Variants in EFCAB6 observed in about 807,000 individuals in gnomAD.
EFCAB6 encodes the protein EF-hand calcium binding domain 6.
In EFCAB6, 156 loss-of-function variants were observed where a neutral mutation model predicts 169.8. The observed-to-expected ratio is 0.92, with a 90% CI of 0.81 to 1.05. The LOEUF (loss-of-function observed/expected upper bound fraction) is 1.05, where lower values mean the gene tolerates loss of function less well. Ranked by LOEUF, EFCAB6 falls within the 50% of genes least tolerant of loss-of-function variation. EFCAB6 has a pLI of 0.00. For missense variants in EFCAB6, 1,800 were observed against 1,829.1 expected (o/e 0.98, Z 0.29); for synonymous variants, 698 against 676.4 (o/e 1.03, Z -0.50).
intron 17 of EFCAB6, among the ~76,000 whole-genome samples, chr22:43,646,660 A>G (rs1248122448): frequency 1.3e-5 from 2 of 152,266 alleles, no homozygotes; most frequent in African/African-American, 4.8e-5. Flanking sequence ...TTAATTCCAC[A>G]TGGATTAAGC....
chr22:43,554,295 A>C (rs1298293336), intron 27 of EFCAB6: 1 of 153,606 alleles, frequency 6.5e-6, no homozygotes, highest in Non-Finnish European at 1.4e-5. Flanking sequence ...TCATAGAAAA[A>C]TGCAAGGTAG....
intron 7 of EFCAB6, 118 bp downstream of exon 7, chr22:43,735,735 GGTGT>G (rs201949853): frequency 2.6e-6 from 3 of 1,133,510 alleles, no homozygotes; most frequent in Admixed American, 2.3e-5. Context: ...TGAGAAATAA[GGTGT>G]GTGTGTGTGG....
At chr22:43,585,565 G>C (rs981133915) in intron 24 of EFCAB6, among the ~76,000 whole-genome samples, 1 of 151,958 alleles carries the variant, frequency 6.6e-6, no homozygotes, top group African/African-American at 2.4e-5. Flanking sequence ...CAAAACAAGA[G>C]AACAAACAAA....
Position 43,668,905 on chromosome 22 carries a change from T to C in EFCAB6, c.1781A>G (p.Lys594Arg), listed in dbSNP as rs1353162523. Residue 594 changes from lysine to arginine, a missense_variant, in exon 16 of 32, where the codon AAA (lysine) becomes AGA (arginine). By Grantham distance (26) the Lys-to-Arg change is conservative. Transcript: ENST00000262726. ...KDQLLSEHLQ[K>R]DEQQQPDLSE... ...AAGATCTGGCTGCTGCTGTTCATCT[T>C]TTTGTAAATGTTCACTTAACAGCTG... 1 of 1,608,320 alleles carries C rather than the reference T, an allele frequency of 6.2e-7. No homozygotes were observed. Among genetic ancestry groups the C allele is most frequent in the Non-Finnish European group, 8.5e-7 (1 of 1,177,580 alleles).
intron 27 of EFCAB6, chr22:43,552,375 A>C (rs1299054322): frequency 1.3e-5 from 2 of 152,208 alleles, no homozygotes; most frequent in African/African-American, 4.8e-5. Context: ...AGAAATCACC[A>C]CAGTGTCATC....
At chr22:43,624,990 T>C (rs926483259) in intron 20 of EFCAB6, among the ~76,000 whole-genome samples, 1 of 152,210 alleles carries the variant, frequency 6.6e-6, no homozygotes, top group African/African-American at 2.4e-5. Context: ...TCAAGTCTCA[T>C]ATTAAAGCTC....
intron 22 of EFCAB6, among the ~76,000 whole-genome samples, chr22:43,605,981 A>C (rs1193275381): frequency 2.0e-5 from 3 of 152,206 alleles, no homozygotes; most frequent in Non-Finnish European, 4.4e-5. Flanking sequence ...GATTGACCTA[A>C]GGGAAAATGA....
intron 17 of EFCAB6, among the ~76,000 whole-genome samples, chr22:43,663,883 C>T (rs781415454): frequency 5.3e-5 from 8 of 152,310 alleles, no homozygotes; most frequent in Non-Finnish European, 8.8e-5. Flanking sequence ...TTCCAGCCTC[C>T]GGAATTGTGA....
chr22:43,565,938 G>C (rs759430038), intron 26 of EFCAB6, among the ~76,000 whole-genome samples: 3 of 150,828 alleles, frequency 2.0e-5, no homozygotes, highest in African/African-American at 7.3e-5. Flanking sequence ...GAAATTAATT[G>C]TACTGTATCT....
intron 26 of EFCAB6, among the ~76,000 whole-genome samples, chr22:43,575,232 C>T (rs1033727007): frequency 6.6e-6 from 1 of 152,004 alleles, no homozygotes; most frequent in Admixed American, 6.6e-5. Flanking sequence ...GCTCTGTCAC[C>T]CAGGCTGGAG....
intron 19 of EFCAB6, among the ~76,000 whole-genome samples, chr22:43,629,243 T>C (rs1169351565): frequency 6.6e-6 from 1 of 152,182 alleles, no homozygotes; most frequent in Non-Finnish European, 1.5e-5. Context: ...CAAATCTCAG[T>C]CTTCAGCTTC....
intron 17 of EFCAB6, among the ~76,000 whole-genome samples, chr22:43,654,027 A>G (rs1467884224): frequency 6.6e-6 from 1 of 152,184 alleles, no homozygotes; most frequent in Non-Finnish European, 1.5e-5. Flanking sequence ...AAGATCAATA[A>G]AAGTGATAAA....
chr22:43,591,094 G>A (rs892612184), intron 23 of EFCAB6, among the ~76,000 whole-genome samples: 1 of 129,420 alleles, frequency 7.7e-6, no homozygotes, highest in Non-Finnish European at 1.6e-5. Flanking sequence ...TGTTGTTGTT[G>A]TTGTTTTTTG....
intron 3 of EFCAB6, 22 bp from the exon 4 acceptor site, chr22:43,773,125 T>G (rs1308162555): frequency 6.2e-7 from 1 of 1,611,370 alleles, no homozygotes; most frequent in Non-Finnish European, 8.5e-7. Flanking sequence ...ATACAGCTAT[T>G]TATTAAACAT....
intron 30 of EFCAB6, among the ~76,000 whole-genome samples, chr22:43,534,385 T>A (rs1429956214): frequency 6.6e-6 from 1 of 152,228 alleles, no homozygotes; most frequent in Non-Finnish European, 1.5e-5. Flanking sequence ...CAATTGAACC[T>A]CTTTCTTTTA....
chr22:43,753,939 C>T (rs557458911), intron 6 of EFCAB6, among the ~76,000 whole-genome samples: 87 of 152,300 alleles, frequency 5.7e-4, no homozygotes, highest in African/African-American at 2.1e-3. Context: ...CCAGCAATGA[C>T]ATGTGTATGA....
intron 2 of EFCAB6, among the ~76,000 whole-genome samples, chr22:43,792,604 T>C (rs1259123437): frequency 6.6e-6 from 1 of 152,228 alleles, no homozygotes; most frequent in Non-Finnish European, 1.5e-5. Context: ...CTAATATTTA[T>C]GAAACTTATA....
At chr22:43,530,791 C>T in intron 31 of EFCAB6, 24 bp downstream of exon 31, 1 of 1,611,920 alleles carries the variant, frequency 6.2e-7, no homozygotes, top group Non-Finnish European at 8.5e-7. Flanking sequence ...CCTGCAGAGG[C>T]ACTGGGCGCA....
At chr22:43,652,688 TA>T (rs907815362) in intron 17 of EFCAB6, among the ~76,000 whole-genome samples, 21 of 151,858 alleles carry the variant, frequency 1.4e-4, no homozygotes, top group Admixed American at 7.9e-4. Context: ...TCTTAATAAA[TA>T]GTATTTGATA....
Sources: gnomAD v4.1 joint callset for allele counts (sites outside exome capture counted in the v4.1 genomes callset) on GRCh38, gnomAD v4.1.1 for gene constraint, MANE v1.5 for transcripts, NCBI Gene and HGNC (gene_info 2026-07-23, HGNC 2026-07-21) for gene names.